CWC22: variants seen among roughly 807,000 people sequenced by gnomAD.
The protein encoded by CWC22 is pre-mRNA-splicing factor CWC22 homolog.
A neutral mutation model predicts 117.2 loss-of-function variants in CWC22; 53 were observed. That is an observed-to-expected ratio of 0.45 (90% CI 0.36 to 0.57). The LOEUF is 0.57. CWC22 is among the 20% of genes least tolerant of loss of function. The pLI is 0.00. For synonymous variants in CWC22, 360 were observed against 355.6 expected (o/e 1.01, Z -0.14); for missense variants, 980 against 1,068.8 (o/e 0.92, Z 1.16).
At position 179,965,885 on chromosome 2, in the gene CWC22, A is replaced by G; in HGVS notation, c.1308T>C (p.Asp436=). The change falls in exon 12 of 20, where the codon GAT becomes GAC. Residue 436 remains aspartate (D), a synonymous_variant. Transcript: ENST00000410053. ...AATATGCTACATGTTTACCTTCTTC[A>G]TCTTCTTCTCCCTCTTCCTCTTCTT... ...EEEEEEEGEE[D]EEGQKVTIHD... is the part of the protein sequence containing the mutation. The G allele has an allele frequency of 1.3e-6, 2 of 1,515,634 alleles. No individual in the cohort carries two copies. Among genetic ancestry groups the G allele is most frequent in the Middle Eastern group, 1.7e-4 (1 of 5,878 alleles). 93.9% of individuals were successfully genotyped at this position (1,515,634 alleles called of 1,614,324 possible). A position where few individuals can be genotyped will look rare whatever the true frequency, so the allele number is the denominator to read the frequency against.
intron 1 of CWC22, among the ~76,000 whole-genome samples, chr2:180,003,424 T>C (rs1371514869): frequency 6.6e-6 from 1 of 152,192 alleles, no homozygotes; most frequent in African/African-American, 2.4e-5. Flanking sequence ...CCAAATCTGT[T>C]CCTCAGCTTG....
At chr2:179,950,441 T>C in intron 19 of CWC22, 71 bp downstream of exon 19, 1 of 910,078 alleles carries the variant, frequency 1.1e-6, no homozygotes, top group Non-Finnish European at 1.7e-6. Flanking sequence ...CAAATTATTT[T>C]CTTCCTTCAT....
chr2:179,945,371 A>G lies in CWC22; in HGVS notation c.2485T>C (p.Ser829Pro). Reference protein sequence around the residue: ...PKKKRGERRNSFSENEKHTHR... With the variant: ...PKKKRGERRNPFSENEKHTHR... ...GTATGCTTCTCATTTTCAGAAAAAG[A>G]ATTTCTTCTCTCTCCTCTCTTCTTT... Residue 829 changes from serine to proline, a missense_variant, in exon 20 of 20, where the codon TCT becomes CCT. Coordinates refer to ENST00000410053, the MANE Select transcript of CWC22 (RefSeq NM_020943.3). 1 of 1,610,788 alleles carries G rather than the reference A, an allele frequency of 6.2e-7. No individual in the cohort carries two copies. The highest frequency in any genetic ancestry group is 8.5e-7 in the Non-Finnish European group (1 of 1,177,916).
intron 1 of CWC22, among the ~76,000 whole-genome samples, chr2:179,998,900 T>C (rs1232426265): frequency 6.6e-6 from 1 of 152,198 alleles, no homozygotes; most frequent in African/African-American, 2.4e-5. Flanking sequence ...CCCAACCTAC[T>C]TACACATTTC....
chr2:179,989,472 T>G (rs1156992392), intron 2 of CWC22, among the ~76,000 whole-genome samples: 1 of 152,098 alleles, frequency 6.6e-6, no homozygotes, highest in Non-Finnish European at 1.5e-5. Flanking sequence ...CTCTAACATG[T>G]TTATAAAAGT....
At chr2:179,973,848 T>G (rs758134111) in intron 6 of CWC22, 46 bp from the exon 7 acceptor site, 13 of 1,161,870 alleles carry the variant, frequency 1.1e-5, no homozygotes, top group Non-Finnish European at 1.4e-5. Flanking sequence ...AATCACCAAA[T>G]TAATTAAACG....
At chr2:180,004,476 C>T (rs773188225) in intron 1 of CWC22, among the ~76,000 whole-genome samples, 6 of 152,098 alleles carry the variant, frequency 3.9e-5, no homozygotes, top group Non-Finnish European at 7.4e-5. Context: ...ACTGCAACCT[C>T]CGCCTCCCAG....
chr2:179,978,587 C>T lies in CWC22; in HGVS notation c.453-269G>A, dbSNP rs758061813. ...GGATATATAAGGATAACATTTTGTT[C>T]TTATGCCTAGTACATTTAATTTATT... is the stretch of plus-strand genomic sequence containing the variant. On this transcript the variant is annotated intron_variant, in intron 5 of 19. Coordinates refer to ENST00000410053, the MANE Select transcript of CWC22 (RefSeq NM_020943.3). 2.0e-5 allele frequency among the ~76,000 whole-genome samples: 3 copies of T among 152,048 alleles called. No homozygotes were observed. The East Asian group carries it at 5.8e-4, about 29-fold the overall frequency.
chr2:179,959,330 T>C (rs1328208216), intron 13 of CWC22, among the ~76,000 whole-genome samples: 1 of 152,174 alleles, frequency 6.6e-6, no homozygotes, highest in African/African-American at 2.4e-5. Context: ...TATAGTATGA[T>C]TCCATTTATA....
intron 2 of CWC22, among the ~76,000 whole-genome samples, chr2:179,989,266 A>G (rs1475293833): frequency 6.6e-6 from 1 of 150,982 alleles, no homozygotes; most frequent in African/African-American, 2.4e-5. Flanking sequence ...TATTATTATT[A>G]TTATTTTTTG....
At chr2:179,989,764 G>A (rs1179716703) in intron 2 of CWC22, among the ~76,000 whole-genome samples, 1 of 151,864 alleles carries the variant, frequency 6.6e-6, no homozygotes, top group East Asian at 1.9e-4. Flanking sequence ...TATATAACTG[G>A]TCAACATTCA....
At chr2:180,000,193 A>G (rs921371410) in intron 1 of CWC22, among the ~76,000 whole-genome samples, 3 of 152,214 alleles carry the variant, frequency 2.0e-5, no homozygotes, top group Non-Finnish European at 4.4e-5. Context: ...TAAGGCCAAA[A>G]AATTATAATT....
At chr2:179,947,150 C>CCT (rs1199792197) in intron 19 of CWC22, among the ~76,000 whole-genome samples, 1 of 152,064 alleles carries the variant, frequency 6.6e-6, no homozygotes, top group Non-Finnish European at 1.5e-5. Context: ...TAGAAAAGTG[C>CCT]CTCTTGTCAC....
At chr2:179,946,661 T>C (rs1006761216) in intron 19 of CWC22, among the ~76,000 whole-genome samples, 5 of 152,120 alleles carry the variant, frequency 3.3e-5, no homozygotes, top group East Asian at 3.9e-4. Context: ...TTCCAGCCCA[T>C]AGAGTGTTAT....
At chr2:179,974,021 C>G (rs939258323) in intron 6 of CWC22, among the ~76,000 whole-genome samples, 1 of 152,098 alleles carries the variant, frequency 6.6e-6, no homozygotes, top group Admixed American at 6.6e-5. Flanking sequence ...GATTTTACTG[C>G]AATTTATCAC....
intron 2 of CWC22, among the ~76,000 whole-genome samples, chr2:179,990,463 G>A (rs1189527322): frequency 6.6e-6 from 1 of 151,778 alleles, no homozygotes; most frequent in Non-Finnish European, 1.5e-5. Context: ...TCTTGTAGAA[G>A]ACAGACAGGC....
intron 11 of CWC22, among the ~76,000 whole-genome samples, chr2:179,970,295 A>G (rs1686998131): frequency 6.6e-6 from 1 of 152,062 alleles, no homozygotes; most frequent in Non-Finnish European, 1.5e-5. Flanking sequence ...GGAAAGAACA[A>G]TGGGGTAAGT....
Position 179,993,353 on chromosome 2 carries a change from A to C in CWC22, c.-12T>G. 1 of 1,561,422 alleles carries C rather than the reference A, an allele frequency of 6.4e-7. No individual in the cohort carries two copies. Among genetic ancestry groups the C allele is most frequent in the Non-Finnish European group, 8.7e-7 (1 of 1,150,008 alleles). ...ACACTACTTTTCATTTTCTGTTGCC[A>C]GTTGGTCCAATAAATCAAAGATGCT... On this transcript the variant is annotated 5_prime_UTR_variant, in exon 2 of 20. Transcript: ENST00000410053.
chr2:179,961,582 T>C (rs1686751192), intron 13 of CWC22, among the ~76,000 whole-genome samples: 1 of 152,024 alleles, frequency 6.6e-6, no homozygotes, highest in Admixed American at 6.6e-5. Context: ...TGACTTTTTC[T>C]TTTCCAGCTC....
Sources: gnomAD v4.1 joint callset for allele counts (sites outside exome capture counted in the v4.1 genomes callset) on GRCh38, gnomAD v4.1.1 for gene constraint, MANE v1.5 for transcripts, NCBI Gene and HGNC (gene_info 2026-07-23, HGNC 2026-07-21) for gene names.